DCC: variants seen among roughly 807,000 people sequenced by gnomAD.
The protein encoded by DCC is DCC netrin 1 receptor.
DCC carries 58 observed loss-of-function variants against 172.5 expected under a neutral mutation model. That is an observed-to-expected ratio of 0.34 (90% confidence interval 0.27 to 0.42). The LOEUF is 0.42. Ranked by LOEUF, DCC falls within the 10% of genes least tolerant of loss-of-function variation. The pLI is 1.00. For synonymous variants in DCC, 709 were observed against 644.5 expected, an observed-to-expected ratio of 1.10 and a Z score of -1.52; for missense variants, 1,740 against 1,791.0, an observed-to-expected ratio of 0.97 and a Z score of 0.51.
chr18:52,794,463 A>G (rs1042491688), intron 2 of DCC, among the ~76,000 whole-genome samples: 1 of 152,022 alleles, frequency 6.6e-6, no homozygotes, highest in Non-Finnish European at 1.5e-5. Flanking sequence ...TTATTGGTAT[A>G]TAGGAGTGCT....
intron 1 of DCC, among the ~76,000 whole-genome samples, chr18:52,605,285 TAA>T (rs1276804294): frequency 2.0e-5 from 3 of 152,126 alleles, no homozygotes. Context: ...AAAAATTGGC[TAA>T]GTGACAAATT....
At chr18:52,870,122 C>T (rs112359814) in intron 2 of DCC, among the ~76,000 whole-genome samples, 1,629 of 152,278 alleles carry the variant, frequency 0.011, 21 homozygotes, top group African/African-American at 0.035. Flanking sequence ...GGGGGTGGGG[C>T]TCCCACTGGC....
intron 12 of DCC, among the ~76,000 whole-genome samples, chr18:53,280,252 T>C (rs2144726490): frequency 6.6e-6 from 1 of 152,296 alleles, no homozygotes; most frequent in East Asian, 1.9e-4. Flanking sequence ...TCTACTGATG[T>C]TTAGATTCAG....
chr18:52,678,939 T>C (rs1186225240), intron 1 of DCC, among the ~76,000 whole-genome samples: 1 of 152,048 alleles, frequency 6.6e-6, no homozygotes, highest in African/African-American at 2.4e-5. Flanking sequence ...TCATTTCCGA[T>C]AGTAACCTCC....
chr18:52,931,434 T>C (rs527359044), intron 5 of DCC, among the ~76,000 whole-genome samples: 1 of 152,240 alleles, frequency 6.6e-6, no homozygotes, highest in South Asian at 2.1e-4. Context: ...TAGACTCTTG[T>C]TTTGCCTTTC....
intron 5 of DCC, among the ~76,000 whole-genome samples, chr18:53,005,872 C>G (rs190669325): frequency 2.3e-4 from 35 of 152,234 alleles, no homozygotes; most frequent in Admixed American, 3.9e-4. Flanking sequence ...TATTTTTTCT[C>G]TCTGGTCTTC....
intron 1 of DCC, among the ~76,000 whole-genome samples, chr18:52,370,674 T>C (rs1274795314): frequency 3.3e-5 from 5 of 152,050 alleles, no homozygotes; most frequent in Admixed American, 1.3e-4. Context: ...CATTTACCTA[T>C]GTAACAAACA....
At chr18:53,416,103 T>A in intron 20 of DCC, 21 bp from the exon 21 acceptor site, 1 of 1,592,212 alleles carries the variant, frequency 6.3e-7, no homozygotes, top group South Asian at 1.1e-5. Context: ...TCTAATAATG[T>A]TATTTCTTTT....
chr18:53,030,002 CAG>C, intron 5 of DCC, among the ~76,000 whole-genome samples: 1 of 152,316 alleles, frequency 6.6e-6, no homozygotes. Flanking sequence ...ACCGTCTTCT[CAG>C]AGCAGAAGAG....
chr18:52,761,908 C>CAAAAAAAAAAAAAAAAAAAA (rs1222086354), intron 2 of DCC, among the ~76,000 whole-genome samples: 1 of 48,444 alleles, frequency 2.1e-5, no homozygotes. Flanking sequence ...GACTCTGTCT[C>CAAAAAAAAAAAAAAAAAAAA]AAAAAAAAAA....
intron 1 of DCC, among the ~76,000 whole-genome samples, chr18:52,413,988 A>G (rs1299527131): frequency 6.6e-6 from 1 of 152,192 alleles, no homozygotes; most frequent in Non-Finnish European, 1.5e-5. Flanking sequence ...ATTTGTGTTT[A>G]TCACACACCT....
intron 5 of DCC, among the ~76,000 whole-genome samples, chr18:52,949,828 T>C (rs1006795787): frequency 2.6e-5 from 4 of 152,258 alleles, no homozygotes; most frequent in African/African-American, 9.6e-5. Flanking sequence ...TGGGCACATG[T>C]AAATATATTT....
intron 1 of DCC, among the ~76,000 whole-genome samples, chr18:52,627,810 G>A (rs1234637872): frequency 6.6e-6 from 1 of 152,134 alleles, no homozygotes; most frequent in African/African-American, 2.4e-5. Context: ...AAGTGTACCT[G>A]GTCATTTGCT....
chr18:53,017,361 T>C (rs904114873), intron 5 of DCC, among the ~76,000 whole-genome samples: 3 of 152,226 alleles, frequency 2.0e-5, no homozygotes, highest in Non-Finnish European at 2.9e-5. Flanking sequence ...CTAGTCATTC[T>C]AAAGGAACAT....
chr18:52,797,210 A>G (rs1336670426), intron 2 of DCC, among the ~76,000 whole-genome samples: 1 of 152,066 alleles, frequency 6.6e-6, no homozygotes, highest in East Asian at 1.9e-4. Context: ...CTTATATTTC[A>G]CTGAATTTCT....
At chr18:53,263,504 A>G (rs1598961729) in intron 12 of DCC, among the ~76,000 whole-genome samples, 1 of 152,170 alleles carries the variant, frequency 6.6e-6, no homozygotes, top group African/African-American at 2.4e-5. Context: ...TTAATGTTTT[A>G]TGCATTATTT....
intron 14 of DCC, among the ~76,000 whole-genome samples, chr18:53,333,300 C>T (rs2057552591): frequency 6.6e-6 from 1 of 152,164 alleles, no homozygotes; most frequent in South Asian, 2.1e-4. Flanking sequence ...CCTGGAAAGG[C>T]AGAGTGTGGG....
At chr18:53,360,464 T>C (rs909440529) in intron 15 of DCC, among the ~76,000 whole-genome samples, 1 of 152,162 alleles carries the variant, frequency 6.6e-6, no homozygotes, top group Admixed American at 6.6e-5. Context: ...AGAAATATTA[T>C]ATGTTGTCTC....
At chr18:52,899,810 C>A (rs1383163366) in intron 2 of DCC, among the ~76,000 whole-genome samples, 1 of 152,104 alleles carries the variant, frequency 6.6e-6, no homozygotes, top group Admixed American at 6.6e-5. Context: ...CTAACTAATT[C>A]TTTATGCTTT....
Sources: gnomAD v4.1 joint callset for allele counts (sites outside exome capture counted in the v4.1 genomes callset) on GRCh38, gnomAD v4.1.1 for gene constraint, MANE v1.5 for transcripts, NCBI Gene and HGNC (gene_info 2026-07-23, HGNC 2026-07-21) for gene names.